Variants in MCTP2 observed in about 807,000 individuals in gnomAD.
The protein encoded by MCTP2 is multiple C2 and transmembrane domain-containing protein 2.
MCTP2 carries 132 observed loss-of-function variants against 111.6 expected under a neutral mutation model. The observed-to-expected ratio is 1.18, with a 90% CI of 1.03 to 1.37. MCTP2 has a LOEUF of 1.37. MCTP2 is among the 40% of genes most tolerant of loss of function. The pLI is 0.00. For missense variants in MCTP2, 1,183 were observed against 1,067.9 expected (o/e 1.11, Z -1.50); for synonymous variants, 395 against 387.7 (o/e 1.02, Z -0.22).
intron 19 of MCTP2, among the ~76,000 whole-genome samples, chr15:94,452,705 A>G (rs923895840): frequency 2.6e-5 from 4 of 152,190 alleles, no homozygotes; most frequent in Non-Finnish European, 5.9e-5. Flanking sequence ...GGTATAGCCA[A>G]AAAGAGGGTA....
chr15:94,360,998 C>T (rs1015992219), intron 10 of MCTP2, among the ~76,000 whole-genome samples: 19 of 147,894 alleles, frequency 1.3e-4, no homozygotes, highest in Non-Finnish European at 2.7e-4. Context: ...GACTGCTTCT[C>T]AGACTGAAAG....
rs1313118287 is a variant in MCTP2 at position 94,307,622 on chromosome 15, T to C, written c.466-6660T>C. On this transcript the variant is annotated intron_variant, in intron 2 of 22. Transcript: ENST00000357742. ...ATGAGCGGGATGCACAGGAGCCCCATGGGCTCAATGCTGCATCACTCATAG... is the reference window on the plus strand; with the variant it reads ...ATGAGCGGGATGCACAGGAGCCCCACGGGCTCAATGCTGCATCACTCATAG... 2.6e-5 allele frequency among the ~76,000 whole-genome samples: 4 copies of C among 152,218 alleles called. No individual in the cohort carries two copies. In the East Asian group the frequency reaches 5.8e-4, roughly 22 times the overall value.
chr15:94,419,545 T>A (rs983417833), intron 17 of MCTP2, among the ~76,000 whole-genome samples: 1 of 152,070 alleles, frequency 6.6e-6, no homozygotes, highest in African/African-American at 2.4e-5. Context: ...CCATTATTGG[T>A]GTCTCTTTCC....
intron 10 of MCTP2, among the ~76,000 whole-genome samples, chr15:94,359,592 T>G (rs1435559901): frequency 1.3e-5 from 2 of 152,164 alleles, no homozygotes; most frequent in African/African-American, 4.8e-5. Context: ...GCATCTCAGC[T>G]TTTGCCTGTG....
intron 19 of MCTP2, among the ~76,000 whole-genome samples, chr15:94,454,735 A>C (rs912188154): frequency 9.2e-5 from 14 of 152,150 alleles, no homozygotes; most frequent in Non-Finnish European, 1.8e-4. Flanking sequence ...AATGGCCAAA[A>C]AACACTTTAT....
intron 1 of MCTP2, among the ~76,000 whole-genome samples, chr15:94,243,972 T>G (rs1459823414): frequency 6.8e-6 from 1 of 147,566 alleles, no homozygotes; most frequent in Non-Finnish European, 1.5e-5. Flanking sequence ...CACACACATA[T>G]GTATACACAT....
Position 94,315,721 on chromosome 15 carries a change from G to A in MCTP2, c.637+84G>A, listed in dbSNP as rs539052922. The A allele has an allele frequency of 1.6e-5, 15 of 965,096 alleles. No individual in the cohort carries two copies. The East Asian group carries it at 3.5e-4, about 23-fold the overall frequency. 59.8% of individuals were successfully genotyped at this position (965,096 alleles called of 1,614,324 possible). A position where few individuals can be genotyped will look rare whatever the true frequency, so the allele number is the denominator to read the frequency against. The stretch of plus-strand genomic sequence containing the variant: ...GTATCAATATTGTCAGTCAGGCTTT[G>A]ACATCACAGCATGGTTTAGGATAGA... On this transcript the variant is annotated intron_variant, in intron 4 of 22. Coordinates refer to ENST00000357742, the MANE Select transcript of MCTP2 (RefSeq NM_001385001.1).
At chr15:94,272,806 G>A (rs1242170735) in intron 1 of MCTP2, among the ~76,000 whole-genome samples, 1 of 151,998 alleles carries the variant, frequency 6.6e-6, no homozygotes, top group Non-Finnish European at 1.5e-5. Flanking sequence ...ACCACTAAGT[G>A]TTGGAGTTCT....
intron 8 of MCTP2, among the ~76,000 whole-genome samples, chr15:94,350,509 G>T (rs765773955): frequency 2.0e-5 from 3 of 152,172 alleles, no homozygotes; most frequent in Non-Finnish European, 4.4e-5. Context: ...GGCAGATGTC[G>T]CAGTGAGCTG....
intron 19 of MCTP2, among the ~76,000 whole-genome samples, chr15:94,454,731 CA>C (rs2084695885): frequency 6.6e-6 from 1 of 151,036 alleles, no homozygotes; most frequent in Admixed American, 6.6e-5. Context: ...TTTTAATGGC[CA>C]AAAAACACTT....
intron 17 of MCTP2, 77 bp from the exon 18 acceptor site, chr15:94,440,099 C>A: frequency 6.6e-7 from 1 of 1,524,380 alleles, no homozygotes; most frequent in Non-Finnish European, 9.0e-7. Context: ...AATCTCCTTA[C>A]ATCAATGAGT....
intron 20 of MCTP2, among the ~76,000 whole-genome samples, chr15:94,467,368 T>C (rs1008183512): frequency 6.6e-6 from 1 of 152,222 alleles, no homozygotes; most frequent in Non-Finnish European, 1.5e-5. Flanking sequence ...GGGGCAAATT[T>C]CTTTTTCCTT....
intron 1 of MCTP2, among the ~76,000 whole-genome samples, chr15:94,287,137 A>G (rs1284186058): frequency 6.6e-6 from 1 of 152,060 alleles, no homozygotes; most frequent in African/African-American, 2.4e-5. Flanking sequence ...TAGATTTATT[A>G]TTTCTTTAAG....
At chr15:94,394,506 C>G (rs1428140892) in intron 14 of MCTP2, among the ~76,000 whole-genome samples, 1 of 152,120 alleles carries the variant, frequency 6.6e-6, no homozygotes, top group Non-Finnish European at 1.5e-5. Context: ...TGGCTCACAC[C>G]TGTAATCACA....
intron 1 of MCTP2, among the ~76,000 whole-genome samples, chr15:94,297,092 C>A (rs2075308232): frequency 6.6e-6 from 1 of 152,184 alleles, no homozygotes; most frequent in Admixed American, 6.5e-5. Flanking sequence ...TTGGCCTCAG[C>A]CAAATGTGGC....
intron 8 of MCTP2, among the ~76,000 whole-genome samples, chr15:94,348,239 G>A (rs2078094832): frequency 6.6e-6 from 1 of 151,324 alleles, no homozygotes; most frequent in Admixed American, 6.6e-5. Context: ...ACCTCTGCAG[G>A]ATACATTCTC....
intron 2 of MCTP2, among the ~76,000 whole-genome samples, chr15:94,306,224 G>T (rs952737588): frequency 2.6e-5 from 4 of 152,192 alleles, no homozygotes; most frequent in African/African-American, 9.7e-5. Context: ...GATTAGTTAA[G>T]TTTGTCTGTG....
intron 17 of MCTP2, among the ~76,000 whole-genome samples, chr15:94,409,081 T>C (rs527279824): frequency 6.6e-6 from 1 of 152,332 alleles, no homozygotes; most frequent in East Asian, 1.9e-4. Flanking sequence ...GGTGTGTCTG[T>C]GAGAGTGTTG....
chr15:94,233,765 G>A (rs1012047141), intron 1 of MCTP2, among the ~76,000 whole-genome samples: 5 of 152,180 alleles, frequency 3.3e-5, no homozygotes, highest in African/African-American at 1.2e-4. Flanking sequence ...AACCAGGAAA[G>A]TAATTTTCAA....
Sources: gnomAD v4.1 joint callset for allele counts (sites outside exome capture counted in the v4.1 genomes callset) on GRCh38, gnomAD v4.1.1 for gene constraint, MANE v1.5 for transcripts, NCBI Gene and HGNC (gene_info 2026-07-23, HGNC 2026-07-21) for gene names.